The following TOX2 variants were observed in gnomAD, a reference collection of about 807,000 sequenced individuals.
TOX2 encodes the protein TOX high mobility group box family member 2.
Under a neutral mutation model 47.4 loss-of-function variants are expected in TOX2, and 15 were observed. The ratio of observed to expected loss-of-function variants is 0.32; its 90% confidence interval spans 0.21 to 0.49. The LOEUF is 0.49. TOX2 is among the 20% of genes least tolerant of loss of function. TOX2 has a pLI of 0.99. For synonymous variants in TOX2, 290 were observed against 296.6 expected (o/e 0.98, Z 0.23); for missense variants, 622 against 673.1 (o/e 0.92, Z 0.84).
intron 2 of TOX2, among the ~76,000 whole-genome samples, chr20:44,000,337 G>A (rs532572122): frequency 1.3e-5 from 2 of 152,334 alleles, no homozygotes; most frequent in East Asian, 1.9e-4. Flanking sequence ...GATGGCTCAA[G>A]GTGGAGCTGA....
chr20:44,062,314 C>T lies in TOX2; in HGVS notation c.880-2463C>T, dbSNP rs561578235. Among the ~76,000 whole-genome samples, 10 of 151,880 alleles carry T rather than the reference C, an allele frequency of 6.6e-5. No homozygotes were observed. The East Asian group carries it at 1.9e-3, about 29-fold the overall frequency. ...CACAAATCAATAGATCTGCTATACA[C>T]CAACAGTGACCAAGCTGAGAATCAC... On this transcript the variant is annotated intron_variant, in intron 5 of 8. Transcript: ENST00000341197.
intron 2 of TOX2, among the ~76,000 whole-genome samples, chr20:43,984,503 G>C (rs981710919): frequency 6.6e-6 from 1 of 152,142 alleles, no homozygotes; most frequent in Non-Finnish European, 1.5e-5. Context: ...CTGCCGAGGA[G>C]GAGTGAGTAC....
intron 1 of TOX2, among the ~76,000 whole-genome samples, chr20:43,954,896 C>T (rs1003999378): frequency 2.6e-5 from 4 of 152,190 alleles, no homozygotes; most frequent in Non-Finnish European, 4.4e-5. Context: ...TCAGTTTCTT[C>T]CTATGTAAAA....
intron 2 of TOX2, among the ~76,000 whole-genome samples, chr20:43,988,894 C>G (rs931123531): frequency 6.6e-5 from 10 of 152,180 alleles, no homozygotes; most frequent in Non-Finnish European, 1.3e-4. Flanking sequence ...AGTGAGAACA[C>G]TGGGTTTTGG....
At chr20:44,049,164 A>T (rs6017251) in intron 3 of TOX2, among the ~76,000 whole-genome samples, 117,305 of 152,166 alleles carry the variant, frequency 0.77, 45,415 homozygotes, top group Middle Eastern at 0.85. Flanking sequence ...AAAAGGAGAT[A>T]TTTTTATGGA....
rs2071063439 is a variant in TOX2 at position 44,026,240 on chromosome 20, TATATATATA to T, written c.411+19449_411+19457del. Among the ~76,000 whole-genome samples the T allele has an allele frequency of 2.0e-5, 2 of 101,414 alleles. 1 individual carries two copies. Among genetic ancestry groups the T allele is most frequent in the Non-Finnish European group, 4.0e-5 (2 of 50,024 alleles). 66.5% of individuals were successfully genotyped at this position (101,414 alleles called of 152,430 possible). ...ATAAAGAAACTGTGATATATATATA[TATATATATA>T]GACACACACACACACAATGGAATAC... On this transcript the variant is annotated intron_variant, in intron 3 of 8. Coordinates refer to ENST00000341197, the MANE Select transcript of TOX2 (RefSeq NM_001098797.2).
chr20:44,048,436 C>T (rs1186474903), intron 3 of TOX2, among the ~76,000 whole-genome samples: 32 of 103,424 alleles, frequency 3.1e-4, no homozygotes, highest in East Asian at 2.0e-3. Context: ...AAAACTGACT[C>T]GAGAGAAAAT....
At chr20:43,945,765 G>T in intron 1 of TOX2, 1 of 1,186,302 alleles carries the variant, frequency 8.4e-7, no homozygotes, top group Admixed American at 2.3e-5. Flanking sequence ...GATAAAAGAG[G>T]TTAAATAACA....
chr20:44,037,183 A>G (rs1160693539), intron 3 of TOX2, among the ~76,000 whole-genome samples: 1 of 152,142 alleles, frequency 6.6e-6, no homozygotes, highest in East Asian at 1.9e-4. Context: ...TGAACTCCTG[A>G]CCTCAGGTGA....
intron 2 of TOX2, among the ~76,000 whole-genome samples, chr20:44,001,127 T>G (rs1600724350): frequency 6.6e-6 from 1 of 152,196 alleles, no homozygotes; most frequent in African/African-American, 2.4e-5. Flanking sequence ...TAGCATCTCT[T>G]TCTATATTTT....
intron 2 of TOX2, among the ~76,000 whole-genome samples, chr20:43,986,433 C>T (rs2145526444): frequency 6.6e-6 from 1 of 152,196 alleles, no homozygotes; most frequent in East Asian, 1.9e-4. Context: ...AGGCATGTGC[C>T]ATCATGCCCA....
chr20:44,048,783 TAA>T (rs1479639413), intron 3 of TOX2, among the ~76,000 whole-genome samples: 4 of 151,652 alleles, frequency 2.6e-5, no homozygotes, highest in Admixed American at 6.6e-5. Flanking sequence ...AAAAGATACT[TAA>T]TAAAGAGTTT....
At chr20:43,981,474 G>T (rs2070167373) in intron 2 of TOX2, among the ~76,000 whole-genome samples, 1 of 152,188 alleles carries the variant, frequency 6.6e-6, no homozygotes, top group South Asian at 2.1e-4. Context: ...AGGATACATG[G>T]ACGCTAGAGT....
At chr20:44,053,551 C>CATATATACTATATATACACACACAT (rs1460441633) in intron 4 of TOX2, among the ~76,000 whole-genome samples, 1 of 75,346 alleles carries the variant, frequency 1.3e-5, no homozygotes, top group Non-Finnish European at 3.4e-5. Context: ...TATATATATA[C>CATATATACTATATATACACACACAT]ATATATACTA....
chr20:43,923,576 G>A (rs1479533512), intron 1 of TOX2, among the ~76,000 whole-genome samples: 1 of 152,216 alleles, frequency 6.6e-6, no homozygotes, highest in Non-Finnish European at 1.5e-5. Context: ...AGACTAGAAC[G>A]TGGCAGGATT....
Position 44,009,331 on chromosome 20 carries a change from G to A in TOX2, c.411+2539G>A, listed in dbSNP as rs533656251. Among the ~76,000 whole-genome samples, 10 of 152,268 alleles carry A rather than the reference G, an allele frequency of 6.6e-5. No individual in the cohort carries two copies. In the South Asian group the frequency reaches 1.9e-3, roughly 28 times the overall value. On this transcript the variant is annotated intron_variant, in intron 3 of 8. Transcript: ENST00000341197. Reference sequence around the variant, plus strand: ...TTTTGAAGCTAGGTGGGAAATAAAAGGAGACAAGAAAGGGAAGGAGGGTGG... The same window carrying A: ...TTTTGAAGCTAGGTGGGAAATAAAAAGAGACAAGAAAGGGAAGGAGGGTGG...
chr20:43,971,415 A>G (rs2069963811), intron 1 of TOX2, among the ~76,000 whole-genome samples: 3 of 152,224 alleles, frequency 2.0e-5, no homozygotes, highest in African/African-American at 7.2e-5. Context: ...CTCAGCCCAC[A>G]GGGGCTGGGG....
chr20:44,005,068 T>G (rs992900673), intron 2 of TOX2, among the ~76,000 whole-genome samples: 3 of 152,224 alleles, frequency 2.0e-5, no homozygotes, highest in Non-Finnish European at 4.4e-5. Context: ...ACCCCATAAG[T>G]AAGTACCATT....
At chr20:43,946,550 G>T (rs901642459) in intron 1 of TOX2, among the ~76,000 whole-genome samples, 2 of 152,166 alleles carry the variant, frequency 1.3e-5, no homozygotes, top group Non-Finnish European at 2.9e-5. Flanking sequence ...TTGGAGTTTG[G>T]GGAATCAATA....
Sources: allele counts gnomAD v4.1 joint callset (sites outside exome capture counted in the v4.1 genomes callset), GRCh38; gene constraint gnomAD v4.1.1; transcripts MANE v1.5; gene names NCBI Gene and HGNC (gene_info 2026-07-23, HGNC 2026-07-21).